Variants in KDM5A observed in about 807,000 individuals in gnomAD.
KDM5A encodes lysine demethylase 5A, also known as lysine-specific demethylase 5A.
In KDM5A, 42 loss-of-function variants were observed where a neutral mutation model predicts 193.5. The observed-to-expected ratio is 0.22, with a 90% CI of 0.17 to 0.28. KDM5A has a LOEUF of 0.28. Ranked by LOEUF, KDM5A falls within the 10% of genes least tolerant of loss-of-function variation. The pLI is 1.00. For synonymous variants in KDM5A, 796 were observed against 718.1 expected, an observed-to-expected ratio of 1.11 and a Z score of -1.73; for missense variants, 1,692 against 2,055.1, an observed-to-expected ratio of 0.82 and a Z score of 3.42.
chr12:302,296 A>C (rs527670001), intron 24 of KDM5A, among the ~76,000 whole-genome samples: 1 of 152,350 alleles, frequency 6.6e-6, no homozygotes, highest in East Asian at 1.9e-4. Flanking sequence ...CAGTAACAAA[A>C]ACAGCATGGT....
chr12:303,443 A>G (rs1042261544), intron 24 of KDM5A, among the ~76,000 whole-genome samples: 4 of 152,234 alleles, frequency 2.6e-5, no homozygotes, highest in African/African-American at 4.8e-5. Context: ...GTTCTCACTC[A>G]TAAGTGGGAG....
At position 294,322 on chromosome 12, in the gene KDM5A, C is replaced by T. The variant is rs186163435; in HGVS notation, c.4456-1153G>A. On this transcript the variant is annotated intron_variant, in intron 26 of 27. Coordinates refer to ENST00000399788, the MANE Select transcript of KDM5A (RefSeq NM_001042603.3). The stretch of plus-strand genomic sequence containing the variant: ...GGAGGAGGAATAAGAGAAAGAAATA[C>T]TGAAGAAACATAACATAAACCTAAT... Among the ~76,000 whole-genome samples, 414 of 152,204 alleles carry T rather than the reference C, an allele frequency of 2.7e-3. 2 individuals carry two copies. The highest frequency in any genetic ancestry group is 9.6e-3 in the African/African-American group (397 of 41,534).
Position 292,931 on chromosome 12 carries a change from T to C in KDM5A, c.4694A>G (p.Lys1565Arg). ...LAKEEERKKK[K>R]EKAAAAKVEL... ...AACTTTGGCTGCAGCAGCCTTCTCC[T>C]TCTTTTTCTTTCTCTCTTCTTCTTT... The change falls in exon 27 of 28, where the codon AAG becomes AGG. Residue 1565 changes from lysine to arginine, a missense_variant. By Grantham distance (26) the Lys-to-Arg change is conservative. Around this residue, in one of 11 missense-constraint regions of KDM5A, gnomAD observed 965 missense variants for 1,061.0 expected, o/e 0.91. Transcript: ENST00000399788. 1.2e-6 allele frequency: 2 copies of C among 1,613,868 alleles called. No individual in the cohort carries two copies. The highest frequency in any genetic ancestry group is 1.7e-5 in the Admixed American group (1 of 60,014).
intron 3 of KDM5A, among the ~76,000 whole-genome samples, chr12:380,938 G>C (rs569163193): frequency 2.0e-5 from 3 of 151,950 alleles, no homozygotes; most frequent in Admixed American, 6.5e-5. Context: ...GGAATTACAG[G>C]TGCCCACCAC....
At chr12:354,760 G>A (rs973635820) in intron 7 of KDM5A, among the ~76,000 whole-genome samples, 3 of 92,188 alleles carry the variant, frequency 3.3e-5, no homozygotes, top group Middle Eastern at 5.9e-3. Flanking sequence ...GCAAGACTCC[G>A]TCTCAAAAAA....
intron 3 of KDM5A, among the ~76,000 whole-genome samples, chr12:382,912 C>A (rs776792369): frequency 2.6e-4 from 39 of 151,536 alleles, no homozygotes; most frequent in Non-Finnish European, 4.4e-4. Flanking sequence ...AGCCTGGACA[C>A]AAGAGCAAAA....
chr12:322,975 A>G (rs894189936), intron 16 of KDM5A, 107 bp downstream of exon 16: 5 of 1,415,030 alleles, frequency 3.5e-6, no homozygotes, highest in Non-Finnish European at 4.9e-6. Flanking sequence ...TCTCATAGGA[A>G]GCCTAGGATT....
intron 2 of KDM5A, 105 bp downstream of exon 2, chr12:385,792 T>C (rs1944631299): frequency 1.2e-6 from 1 of 850,934 alleles, no homozygotes; most frequent in African/African-American, 1.7e-5. Context: ...CAATACCAAT[T>C]AACACAAACT....
chr12:321,719 A>T (rs1943719516), intron 17 of KDM5A, among the ~76,000 whole-genome samples: 1 of 152,252 alleles, frequency 6.6e-6, no homozygotes, highest in East Asian at 1.9e-4. Context: ...AATACCACAG[A>T]AAATTTAATA....
intron 21 of KDM5A, 78 bp from the exon 22 acceptor site, chr12:310,042 G>A: frequency 6.8e-7 from 1 of 1,467,044 alleles, no homozygotes; most frequent in South Asian, 1.2e-5. Flanking sequence ...GGAACCATTT[G>A]TTGACTGTTC....
At chr12:315,665 C>T (rs1159071102) in intron 19 of KDM5A, among the ~76,000 whole-genome samples, 1 of 151,728 alleles carries the variant, frequency 6.6e-6, no homozygotes, top group Non-Finnish European at 1.5e-5. Flanking sequence ...AAGTGAGAAG[C>T]ACTGGGGAAA....
In KDM5A at chr12:334,348, C is replaced by G. The variant is rs1299118342; in HGVS notation, c.1383G>C (p.Val461=). ...ACGGCACTTTCATACCAGAGATGTC[C>G]ACATTAATATGTGCAAGAACAGACT... ...LEQSVLAHIN[V]DISGMKVPWL... Residue 461 remains valine (V), a synonymous_variant, in exon 11 of 28, where the codon GTG becomes GTC. Coordinates refer to ENST00000399788, the MANE Select transcript of KDM5A (RefSeq NM_001042603.3). 6.2e-7 allele frequency: 1 copy of G among 1,613,820 alleles called. No individual in the cohort carries two copies. The highest frequency in any genetic ancestry group is 1.3e-5 in the African/African-American group (1 of 74,880).
chr12:306,822 C>G (rs1002609468), intron 24 of KDM5A, 124 bp downstream of exon 24: 1 of 965,982 alleles, frequency 1.0e-6, no homozygotes, highest in Non-Finnish European at 1.6e-6. Flanking sequence ...AAACTCAGAA[C>G]AGATAAATGA....
intron 8 of KDM5A, among the ~76,000 whole-genome samples, chr12:352,728 G>T (rs928243058): frequency 6.6e-6 from 1 of 152,306 alleles, no homozygotes. Flanking sequence ...ATAGCCACTG[G>T]ATTGTGAGGA....
chr12:334,534 T>G, intron 10 of KDM5A, 112 bp from the exon 11 acceptor site: 2 of 762,426 alleles, frequency 2.6e-6, no homozygotes, highest in Non-Finnish European at 4.5e-6. Context: ...AATAGTCTAG[T>G]GCATACAATC....
At chr12:295,143 T>C (rs1296504371) in intron 26 of KDM5A, among the ~76,000 whole-genome samples, 6 of 151,880 alleles carry the variant, frequency 4.0e-5, no homozygotes, top group Non-Finnish European at 8.8e-5. Flanking sequence ...CCCGCTTCTT[T>C]TTAGCAGAAA....
Position 280,148 on chromosome 12 carries a change from A to C in KDM5A, c.*5308T>G. 1 of 231,772 alleles carries C rather than the reference A, an allele frequency of 4.3e-6. No homozygotes were observed. Among genetic ancestry groups the C allele is most frequent in the Non-Finnish European group, 8.5e-6 (1 of 117,118 alleles). The allele number at this position is 231,772 out of a possible 1,614,324, so 14.4% of individuals were successfully genotyped here. A position where few individuals can be genotyped will look rare whatever the true frequency, so the allele number is the denominator to read the frequency against. On this transcript the variant is annotated 3_prime_UTR_variant, in exon 28 of 28. Coordinates refer to ENST00000399788, the MANE Select transcript of KDM5A (RefSeq NM_001042603.3). ...AAGGGGTGAAGAGAGTGAAATTCCA[A>C]AATCACTCTAGTTTATTCACATAAT...
chr12:345,752 GAC>G (rs1352791382), intron 10 of KDM5A, among the ~76,000 whole-genome samples: 3 of 152,282 alleles, frequency 2.0e-5, no homozygotes, highest in African/African-American at 7.2e-5. Context: ...GAATCTCTGG[GAC>G]ACATTTAAAG....
At chr12:333,708 T>C (rs1943890883) in intron 11 of KDM5A, 59 bp from the exon 12 acceptor site, 1 of 1,477,490 alleles carries the variant, frequency 6.8e-7, no homozygotes, top group Non-Finnish European at 9.5e-7. Flanking sequence ...GGCTAGGGTA[T>C]CTGATTCCAA....
Sources: gnomAD v4.1 joint callset for allele counts (sites outside exome capture counted in the v4.1 genomes callset) on GRCh38, gnomAD v4.1.1 for gene constraint, gnomAD v4.1.1 regional missense constraint, MANE v1.5 for transcripts, NCBI Gene and HGNC (gene_info 2026-07-23, HGNC 2026-07-21) for gene names.